NOVA1: variants seen among roughly 807,000 people sequenced by gnomAD.
The protein encoded by NOVA1 is RNA-binding protein Nova-1.
A neutral mutation model predicts 38.0 loss-of-function variants in NOVA1; 7 were observed. That is an observed-to-expected ratio of 0.18 (90% CI 0.10 to 0.35). NOVA1 has a LOEUF of 0.35. NOVA1 is among the 10% of genes least tolerant of loss of function. NOVA1 has a pLI of 1.00. For missense variants in NOVA1, 460 were observed against 616.0 expected (o/e 0.75, Z 2.68); for synonymous variants, 270 against 232.5 (o/e 1.16, Z -1.47).
intron 2 of NOVA1, chr14:26,593,067 T>G: frequency 6.6e-6 from 1 of 151,766 alleles, no homozygotes; most frequent in East Asian, 1.9e-4. Flanking sequence ...ATTATGACAG[T>G]CATAAATATA....
At chr14:26,493,975 C>T (rs983737934) in intron 2 of NOVA1, among the ~76,000 whole-genome samples, 1 of 152,170 alleles carries the variant, frequency 6.6e-6, no homozygotes, top group Admixed American at 6.5e-5. Flanking sequence ...AAATAACAAG[C>T]TGGATTATAA....
At chr14:26,587,628 G>A (rs747362383) in intron 2 of NOVA1, among the ~76,000 whole-genome samples, 17 of 151,180 alleles carry the variant, frequency 1.1e-4, no homozygotes, top group Non-Finnish European at 2.2e-4. Context: ...GAATAATTAA[G>A]GACTAAGTAT....
chr14:26,586,410 C>T (rs1440460741), intron 2 of NOVA1, among the ~76,000 whole-genome samples: 1 of 151,112 alleles, frequency 6.6e-6, no homozygotes, highest in Admixed American at 6.6e-5. Flanking sequence ...TTACAATTAG[C>T]CTCATGCTTA....
chr14:26,487,360 A>T (rs1258883835), intron 2 of NOVA1, among the ~76,000 whole-genome samples: 1 of 152,190 alleles, frequency 6.6e-6, no homozygotes, highest in Non-Finnish European at 1.5e-5. Flanking sequence ...CTTTTAAGTG[A>T]CTTTTAACAG....
chr14:26,575,014 T>A (rs1892747069), intron 2 of NOVA1, among the ~76,000 whole-genome samples: 2 of 152,170 alleles, frequency 1.3e-5, no homozygotes, highest in African/African-American at 4.8e-5. Context: ...ATCTTCTAGG[T>A]AAATTATAAG....
chr14:26,597,140 G>A, intron 1 of NOVA1, 161 bp downstream of exon 1: 1 of 1,206,050 alleles, frequency 8.3e-7, no homozygotes, highest in South Asian at 4.3e-5. Flanking sequence ...AGGTGCAGGG[G>A]AGGGGGCGCG....
chr14:26,588,358 A>G (rs1472799104), intron 2 of NOVA1: 3 of 151,488 alleles, frequency 2.0e-5, no homozygotes, highest in Non-Finnish European at 4.4e-5. Context: ...TTCATTGAAA[A>G]ATGGACAAAA....
intron 2 of NOVA1, among the ~76,000 whole-genome samples, chr14:26,498,617 T>C (rs1265586324): frequency 6.6e-6 from 1 of 152,132 alleles, no homozygotes; most frequent in Non-Finnish European, 1.5e-5. Context: ...ATATGTAGTA[T>C]CAGGTGTAAT....
intron 2 of NOVA1, among the ~76,000 whole-genome samples, chr14:26,494,686 A>G (rs921817443): frequency 6.6e-6 from 1 of 152,094 alleles, no homozygotes; most frequent in Non-Finnish European, 1.5e-5. Flanking sequence ...TTTAGTCCCC[A>G]TGGTTGTAAA....
chr14:26,494,015 T>G (rs1886565466), intron 2 of NOVA1, among the ~76,000 whole-genome samples: 1 of 152,216 alleles, frequency 6.6e-6, no homozygotes, highest in Non-Finnish European at 1.5e-5. Flanking sequence ...TCTAAGAGAC[T>G]GCTATTCCTC....
intron 4 of NOVA1, among the ~76,000 whole-genome samples, chr14:26,449,278 A>G (rs548611536): frequency 6.0e-4 from 91 of 152,274 alleles, no homozygotes; most frequent in African/African-American, 2.0e-3. Flanking sequence ...CTATACACCA[A>G]AGGTAACATT....
At chr14:26,593,012 A>G (rs1893954350) in intron 2 of NOVA1, 1 of 151,838 alleles carries the variant, frequency 6.6e-6, no homozygotes, top group African/African-American at 2.4e-5. Flanking sequence ...GAGAAACAGA[A>G]AAGGGGCTTC....
At chr14:26,462,958 C>T (rs1883810309) in intron 4 of NOVA1, among the ~76,000 whole-genome samples, 1 of 152,136 alleles carries the variant, frequency 6.6e-6, no homozygotes, top group African/African-American at 2.4e-5. Flanking sequence ...TTTTCATATT[C>T]CTTGTCATCA....
At chr14:26,516,903 C>T (rs929684482) in intron 2 of NOVA1, among the ~76,000 whole-genome samples, 1 of 80,282 alleles carries the variant, frequency 1.2e-5, no homozygotes, top group African/African-American at 3.8e-5. Context: ...TCTGACTTTG[C>T]CTCTTTTTTT....
At chr14:26,514,372 C>T (rs1303635470) in intron 2 of NOVA1, among the ~76,000 whole-genome samples, 1 of 151,540 alleles carries the variant, frequency 6.6e-6, no homozygotes, top group East Asian at 1.9e-4. Flanking sequence ...AATCTGTATT[C>T]TCACAGAATA....
At chr14:26,580,980 T>A (rs898348840) in intron 2 of NOVA1, among the ~76,000 whole-genome samples, 2 of 152,088 alleles carry the variant, frequency 1.3e-5, no homozygotes, top group African/African-American at 2.4e-5. Context: ...ATAAGCTTAT[T>A]ATACACCAAA....
intron 2 of NOVA1, among the ~76,000 whole-genome samples, chr14:26,577,590 T>G (rs73601989): frequency 0.026 from 4,032 of 152,224 alleles, 173 homozygotes; most frequent in African/African-American, 0.092. Context: ...CTTGAATATA[T>G]GGCTTTCCTT....
intron 2 of NOVA1, among the ~76,000 whole-genome samples, chr14:26,544,354 G>C (rs1890657454): frequency 6.6e-6 from 1 of 151,650 alleles, no homozygotes. Context: ...AGAAAAGCAA[G>C]AGAAGAATCC....
chr14:26,580,444 G>A (rs1893141874), intron 2 of NOVA1, among the ~76,000 whole-genome samples: 2 of 151,960 alleles, frequency 1.3e-5, no homozygotes, highest in Admixed American at 1.3e-4. Flanking sequence ...CACATGCCTA[G>A]TTTTCTTCTC....
Sources: allele counts gnomAD v4.1 joint callset (sites outside exome capture counted in the v4.1 genomes callset), GRCh38; gene constraint gnomAD v4.1.1; transcripts MANE v1.5; gene names NCBI Gene and HGNC (gene_info 2026-07-23, HGNC 2026-07-21).